The following PAK5 variants were observed in gnomAD, a reference collection of about 807,000 sequenced individuals.
The protein encoded by PAK5 is p21 (RAC1) activated kinase 5.
A neutral mutation model predicts 65.9 loss-of-function variants in PAK5; 16 were observed. That is an observed-to-expected ratio of 0.24 (90% CI 0.16 to 0.37). The LOEUF (loss-of-function observed/expected upper bound fraction) is 0.37, where lower values mean the gene tolerates loss of function less well. PAK5 is among the 10% of genes least tolerant of loss of function. The probability of loss-of-function intolerance (pLI) is 1.00; values close to 1 mark genes in which losing one functional copy is unlikely to be tolerated. For missense variants in PAK5, 785 were observed against 903.9 expected (o/e 0.87, Z 1.69); for synonymous variants, 371 against 354.9 (o/e 1.05, Z -0.51).
intron 1 of PAK5, among the ~76,000 whole-genome samples, chr20:9,762,558 C>G (rs2048711695): frequency 6.6e-6 from 1 of 152,052 alleles, no homozygotes; most frequent in African/African-American, 2.4e-5. Context: ...AAATCAAAAT[C>G]ACAATGAGAT....
At chr20:9,676,889 T>A (rs1389165890) in intron 2 of PAK5, among the ~76,000 whole-genome samples, 3 of 152,218 alleles carry the variant, frequency 2.0e-5, no homozygotes, top group Non-Finnish European at 4.4e-5. Flanking sequence ...GCATATCTGA[T>A]ATTCTGACAA....
intron 7 of PAK5, among the ~76,000 whole-genome samples, chr20:9,555,631 G>T (rs558901054): frequency 6.6e-6 from 1 of 152,242 alleles, no homozygotes; most frequent in African/African-American, 2.4e-5. Flanking sequence ...TCATATGGAA[G>T]ATTAAGAAAA....
chr20:9,604,761 A>G (rs1568993366), intron 3 of PAK5, among the ~76,000 whole-genome samples: 2 of 152,194 alleles, frequency 1.3e-5, no homozygotes, highest in Non-Finnish European at 2.9e-5. Flanking sequence ...CATTTAGAGA[A>G]AAGATACCTG....
chr20:9,587,429 T>C (rs2046089560), intron 3 of PAK5, among the ~76,000 whole-genome samples: 1 of 152,206 alleles, frequency 6.6e-6, no homozygotes. Context: ...ATTCTATAGT[T>C]ATTCTTCTTA....
intron 1 of PAK5, among the ~76,000 whole-genome samples, chr20:9,780,148 G>A (rs922492431): frequency 1.3e-5 from 2 of 152,056 alleles, no homozygotes; most frequent in African/African-American, 4.8e-5. Context: ...CTCTAAGTGA[G>A]CTTTTATTAG....
chr20:9,686,391 CT>C (rs1555912997), intron 2 of PAK5, among the ~76,000 whole-genome samples: 1 of 152,188 alleles, frequency 6.6e-6, no homozygotes, highest in Non-Finnish European at 1.5e-5. Flanking sequence ...TGTTTGGTAT[CT>C]TTTTTGTTTT....
chr20:9,562,186 C>CAT (rs553074565), intron 6 of PAK5, among the ~76,000 whole-genome samples: 1 of 152,104 alleles, frequency 6.6e-6, no homozygotes, highest in South Asian at 2.1e-4. Context: ...TTCTATGCTA[C>CAT]ATATATATAT....
intron 3 of PAK5, among the ~76,000 whole-genome samples, chr20:9,632,028 A>G (rs1450485685): frequency 1.3e-5 from 2 of 152,214 alleles, no homozygotes; most frequent in African/African-American, 4.8e-5. Context: ...GAGAGATAAA[A>G]TTAAATCTTT....
intron 1 of PAK5, among the ~76,000 whole-genome samples, chr20:9,770,033 A>G (rs1228595219): frequency 1.3e-5 from 2 of 152,180 alleles, no homozygotes; most frequent in Non-Finnish European, 2.9e-5. Context: ...AGAGGCCTAG[A>G]GTCAAAAGAG....
intron 1 of PAK5, among the ~76,000 whole-genome samples, chr20:9,743,411 A>AAAACG (rs2048472050): frequency 1.3e-5 from 2 of 149,400 alleles, no homozygotes; most frequent in South Asian, 2.1e-4. Flanking sequence ...CAAACGAAAC[A>AAAACG]AAACAAAACA....
At chr20:9,648,379 C>T (rs928366365) in intron 2 of PAK5, among the ~76,000 whole-genome samples, 4 of 152,068 alleles carry the variant, frequency 2.6e-5, no homozygotes, top group Admixed American at 6.5e-5. Flanking sequence ...AGATGAAGGG[C>T]CTGAGGATTT....
rs148286965 is a variant in PAK5 at position 9,601,456 on chromosome 20, G to A, written c.205-20526C>T. Among the ~76,000 whole-genome samples, 432 of 152,182 alleles carry A rather than the reference G, an allele frequency of 2.8e-3. 3 individuals are homozygous for A. Among genetic ancestry groups the A allele is most frequent in the African/African-American group, 9.7e-3 (402 of 41,516 alleles). ...TCTCTTGCATTTGATCGTCCCAATA[G>A]CCCTAGGAGACTTATATTATTATTA... On this transcript the variant is annotated intron_variant, in intron 3 of 9. Coordinates refer to ENST00000353224, the MANE Select transcript of PAK5 (RefSeq NM_177990.4).
At chr20:9,749,182 T>G (rs1331713627) in intron 1 of PAK5, among the ~76,000 whole-genome samples, 1 of 152,190 alleles carries the variant, frequency 6.6e-6, no homozygotes, top group Non-Finnish European at 1.5e-5. Context: ...TCATTGACAT[T>G]ATTATTTCAA....
At chr20:9,797,317 T>TA (rs1228745711) in intron 1 of PAK5, among the ~76,000 whole-genome samples, 1 of 151,922 alleles carries the variant, frequency 6.6e-6, no homozygotes, top group Non-Finnish European at 1.5e-5. Context: ...TAGAATGCCA[T>TA]AAAAAATGAT....
At chr20:9,721,788 G>T (rs1037433394) in intron 1 of PAK5, among the ~76,000 whole-genome samples, 12 of 150,804 alleles carry the variant, frequency 8.0e-5, no homozygotes, top group African/African-American at 2.4e-4. Context: ...ATATAGTTCA[G>T]AAAATAGAGC....
intron 2 of PAK5, among the ~76,000 whole-genome samples, chr20:9,656,716 T>A (rs1446553598): frequency 6.6e-6 from 1 of 152,188 alleles, no homozygotes; most frequent in Non-Finnish European, 1.5e-5. Context: ...AATATCTATG[T>A]CAAATGTTGT....
At chr20:9,805,652 T>C (rs1416369445) in intron 1 of PAK5, among the ~76,000 whole-genome samples, 1 of 152,146 alleles carries the variant, frequency 6.6e-6, no homozygotes. Context: ...ATATTAGATA[T>C]AAATTACACA....
At chr20:9,749,063 G>GT (rs2048543818) in intron 1 of PAK5, among the ~76,000 whole-genome samples, 2 of 152,042 alleles carry the variant, frequency 1.3e-5, no homozygotes, top group South Asian at 2.1e-4. Flanking sequence ...ACATATTTTA[G>GT]TTTTTTAGAT....
intron 1 of PAK5, among the ~76,000 whole-genome samples, chr20:9,822,560 G>A (rs576659500): frequency 1.5e-3 from 222 of 152,310 alleles, no homozygotes; most frequent in Non-Finnish European, 1.3e-3. Context: ...TACATGGAAT[G>A]TTCTTGTCTA....
Sources: allele counts gnomAD v4.1 joint callset (sites outside exome capture counted in the v4.1 genomes callset), GRCh38; gene constraint gnomAD v4.1.1; transcripts MANE v1.5; gene names NCBI Gene and HGNC (gene_info 2026-07-23, HGNC 2026-07-21).